Variants in LRRC34 observed in about 807,000 individuals in gnomAD.
LRRC34 encodes the protein leucine rich repeat containing 34.
A neutral mutation model predicts 48.5 loss-of-function variants in LRRC34; 44 were observed. That is an observed-to-expected ratio of 0.91 (90% confidence interval 0.71 to 1.17). LRRC34 has a LOEUF of 1.17. Among genes scored for constraint, LRRC34 ranks in the 50% most tolerant of loss-of-function variants. The probability of loss-of-function intolerance (pLI) is 0.00; values close to 1 mark genes in which losing one functional copy is unlikely to be tolerated. For missense variants in LRRC34, 502 were observed against 563.0 expected (o/e 0.89, Z 1.10); for synonymous variants, 192 against 197.6 (o/e 0.97, Z 0.24).
At chr3:169,796,968 G>T in intron 7 of LRRC34, 69 bp from the exon 8 acceptor site, 1 of 1,198,860 alleles carries the variant, frequency 8.3e-7, no homozygotes. Context: ...TCAGACATAT[G>T]CTGTTATTTA....
In LRRC34 at chr3:169,806,945, G is replaced by C. The variant is rs757576907; in HGVS notation, c.445-14C>G. On this transcript the variant is annotated splice_polypyrimidine_tract_variant and intron_variant, in intron 4 of 10. Transcript: ENST00000446859. ...ATTAAGTTGTTTCTATAAGAGAAAA[G>C]AAGCTATTACACATTATTATTATTG... 7.4e-6 allele frequency: 11 copies of C among 1,484,358 alleles called. No individual in the cohort carries two copies. The Admixed American group carries it at 1.7e-4, about 23-fold the overall frequency. 91.9% of individuals were successfully genotyped at this position (1,484,358 alleles called of 1,614,324 possible).
chr3:169,807,024 T>G, intron 4 of LRRC34, 93 bp from the exon 5 acceptor site: 1 of 589,530 alleles, frequency 1.7e-6, no homozygotes, highest in Non-Finnish European at 2.9e-6. Flanking sequence ...CAGTATATAC[T>G]TTATTTGAAT....
In LRRC34 at chr3:169,812,478, G is replaced by A; in HGVS notation, c.71C>T (p.Pro24Leu). ...MGSSREAARA[P>L]ARSPAWASTQ... is the part of the protein sequence containing the mutation. ...GGAGGCCCAAGCCGGGGACCTGGCC[G>A]GCGCACGGGCGGCCTCCCGGGAGCT... Residue 24 changes from proline (P) to leucine (L), a missense_variant, in exon 1 of 11, where the codon CCG becomes CTG. Coordinates refer to ENST00000446859, the MANE Select transcript of LRRC34 (RefSeq NM_001172779.2). The surrounding 1 kb of genome is among the most constrained non-coding windows in gnomAD (Gnocchi z 4.3). 2.6e-6 allele frequency: 4 copies of A among 1,528,624 alleles called. No homozygotes were observed. The highest frequency in any genetic ancestry group is 2.6e-6 in the Non-Finnish European group (3 of 1,144,004). 94.7% of individuals were successfully genotyped at this position (1,528,624 alleles called of 1,614,324 possible).
rs769215619 is a variant in LRRC34 at position 169,796,315 on chromosome 3, G to T, written c.963C>A (p.Asn321Lys). ...AAAGATCTATTACTTCCAGGGTAGTGTTGCTTTTCAGTACATCAGCCAAAT... is the reference window on the plus strand; with the variant it reads ...AAAGATCTATTACTTCCAGGGTAGTTTTGCTTTTCAGTACATCAGCCAAAT... ...MVYLADVLKS[N>K]TTLEVIDLSF... The change falls in exon 9 of 11, where the codon AAC becomes AAA. Residue 321 changes from asparagine to lysine, a missense_variant. Asn to Lys is a moderately conservative substitution (Grantham distance 94, BLOSUM62 0). Coordinates refer to ENST00000446859, the MANE Select transcript of LRRC34 (RefSeq NM_001172779.2). 1 of 1,611,884 alleles carries T rather than the reference G, an allele frequency of 6.2e-7. No homozygotes were observed. Among genetic ancestry groups the T allele is most frequent in the Non-Finnish European group, 8.5e-7 (1 of 1,179,330 alleles).
intron 6 of LRRC34, among the ~76,000 whole-genome samples, chr3:169,801,050 AT>A (rs1450933630): frequency 1.3e-5 from 2 of 151,974 alleles, no homozygotes; most frequent in Non-Finnish European, 2.9e-5. Context: ...TTCTATGTGG[AT>A]CCCAGCTAGA....
intron 9 of LRRC34, 165 bp from the exon 10 acceptor site, chr3:169,795,776 A>C: frequency 7.5e-7 from 1 of 1,335,152 alleles, no homozygotes; most frequent in Non-Finnish European, 9.6e-7. Context: ...TTCTAATTAG[A>C]TCCTTAAGGT....
intron 1 of LRRC34, among the ~76,000 whole-genome samples, chr3:169,811,421 A>C (rs527950896): frequency 1.3e-4 from 20 of 152,344 alleles, no homozygotes; most frequent in African/African-American, 4.8e-4. Flanking sequence ...TTGATTTAAA[A>C]TTCACCTACG....
chr3:169,798,493 A>G lies in LRRC34; in HGVS notation c.754-1594T>C, dbSNP rs149375700. 5.6e-3 allele frequency among the ~76,000 whole-genome samples: 846 copies of G among 152,328 alleles called. 8 individuals carry two copies. Among genetic ancestry groups the G allele is most frequent in the African/African-American group, 0.019 (806 of 41,578 alleles). On this transcript the variant is annotated intron_variant, in intron 7 of 10. Transcript: ENST00000446859. ...GATTTGCAGGTTTGTATTTGGGAACAGCAATTTAAGAGCAGAATAGTACCC... is the reference window on the plus strand; with the variant it reads ...GATTTGCAGGTTTGTATTTGGGAACGGCAATTTAAGAGCAGAATAGTACCC...
At chr3:169,809,624 C>T (rs1480501143) in intron 1 of LRRC34, among the ~76,000 whole-genome samples, 1 of 152,184 alleles carries the variant, frequency 6.6e-6, no homozygotes, top group Non-Finnish European at 1.5e-5. Context: ...TATGCTGTTA[C>T]TTTTCTTAGA....
At chr3:169,794,862 G>T (rs565309097) in intron 10 of LRRC34, 1 of 152,172 alleles carries the variant, frequency 6.6e-6, no homozygotes, top group Admixed American at 6.5e-5. Context: ...TCCAGTTCCA[G>T]ACTCAACTTA....
At chr3:169,801,507 C>A (rs553900091) in intron 6 of LRRC34, among the ~76,000 whole-genome samples, 15 of 152,308 alleles carry the variant, frequency 9.8e-5, no homozygotes, top group African/African-American at 3.6e-4. Flanking sequence ...TCTAAAACCA[C>A]CAATCAGATC....
At chr3:169,810,470 TTAAA>T (rs535282697) in intron 1 of LRRC34, among the ~76,000 whole-genome samples, 48 of 152,312 alleles carry the variant, frequency 3.2e-4, no homozygotes, top group Admixed American at 7.2e-4. Flanking sequence ...TCTGAAAAAT[TTAAA>T]TAGCATAATT....
chr3:169,795,358 T>C, intron 10 of LRRC34, 127 bp downstream of exon 10: 1 of 949,592 alleles, frequency 1.1e-6, no homozygotes. Flanking sequence ...TTTTAAGACT[T>C]ATGTTAATTA....
intron 7 of LRRC34, among the ~76,000 whole-genome samples, chr3:169,799,813 A>G (rs1403306522): frequency 5.3e-5 from 8 of 152,110 alleles, no homozygotes; most frequent in Non-Finnish European, 8.8e-5. Flanking sequence ...CCTGGGTTCA[A>G]GCGATTCTCC....
At chr3:169,800,386 C>G (rs1441232730) in intron 7 of LRRC34, among the ~76,000 whole-genome samples, 2 of 152,200 alleles carry the variant, frequency 1.3e-5, no homozygotes, top group Admixed American at 1.3e-4. Flanking sequence ...CTTTGACCCT[C>G]ACAGGTTTAC....
At chr3:169,798,674 A>G (rs1486613481) in intron 7 of LRRC34, among the ~76,000 whole-genome samples, 1 of 152,126 alleles carries the variant, frequency 6.6e-6, no homozygotes, top group African/African-American at 2.4e-5. Flanking sequence ...CACTCAACAT[A>G]TTTTAAAAAG....
intron 7 of LRRC34, 72 bp from the exon 8 acceptor site, chr3:169,796,971 G>T: frequency 8.5e-7 from 1 of 1,177,850 alleles, no homozygotes; most frequent in Non-Finnish European, 1.1e-6. Context: ...GACATATGCT[G>T]TTATTTAAAT....
chr3:169,812,756 A>G lies in LRRC34; in HGVS notation c.-208T>C. 1.6e-6 allele frequency: 1 copy of G among 639,814 alleles called. No homozygotes were observed. Among genetic ancestry groups the G allele is most frequent in the South Asian group, 2.6e-5 (1 of 38,286 alleles). The allele number at this position is 639,814 out of a possible 1,614,324, so 39.6% of individuals were successfully genotyped here. On this transcript the variant is annotated 5_prime_UTR_variant, in exon 1 of 11. Transcript: ENST00000446859. This position sits in a 1 kb window ranked among gnomAD's most constrained non-coding sequence, Gnocchi z 4.3. ...AGGGAGGGCGTCCTGGCTCCTTTGC[A>G]GGGAGGAGTTCCCGAGGTTTGAGGG...
chr3:169,796,992 A>G, intron 7 of LRRC34, 93 bp from the exon 8 acceptor site: 1 of 1,016,854 alleles, frequency 9.8e-7, no homozygotes, highest in Non-Finnish European at 1.3e-6. Flanking sequence ...TAGCTTTTTA[A>G]AAAGATTATA....
Sources: allele counts gnomAD v4.1 joint callset (sites outside exome capture counted in the v4.1 genomes callset), GRCh38; gene constraint gnomAD v4.1.1; non-coding constraint Gnocchi (gnomAD v3.1); transcripts MANE v1.5; gene names NCBI Gene and HGNC (gene_info 2026-07-23, HGNC 2026-07-21).